NTPCR: variants seen among roughly 807,000 people sequenced by gnomAD.
The protein encoded by NTPCR is nucleoside-triphosphatase, cancer-related, also known as cancer-related nucleoside-triphosphatase.
In NTPCR, 15 loss-of-function variants were observed where a neutral mutation model predicts 19.5. The observed-to-expected ratio is 0.77, with a 90% CI of 0.51 to 1.18. NTPCR has a LOEUF of 1.18. NTPCR is among the 50% of genes most tolerant of loss of function. The pLI, the probability that NTPCR is intolerant of heterozygous loss-of-function variation, is 0.00. For synonymous variants in NTPCR, 90 were observed against 95.8 expected (o/e 0.94, Z 0.36); for missense variants, 206 against 240.4 (o/e 0.86, Z 0.95).
chr1:232,960,551 T>A (rs901293272), intron 3 of NTPCR, among the ~76,000 whole-genome samples: 30 of 152,018 alleles, frequency 2.0e-4, no homozygotes, highest in African/African-American at 7.0e-4. Context: ...ACCATCATGG[T>A]CAGGCTGGTC....
chr1:232,957,684 C>T (rs1385583744), intron 3 of NTPCR, among the ~76,000 whole-genome samples: 1 of 152,150 alleles, frequency 6.6e-6, no homozygotes, highest in East Asian at 1.9e-4. Flanking sequence ...TTATCAAGTA[C>T]TGCATATACA....
Position 232,971,401 on chromosome 1 carries a change from G to A in NTPCR, c.504+1283G>A, listed in dbSNP as rs1246960867. Among the ~76,000 whole-genome samples the A allele has an allele frequency of 5.3e-5, 8 of 152,168 alleles. No individual in the cohort carries two copies. In the South Asian group the frequency reaches 1.7e-3, roughly 32 times the overall value. Reference sequence around the variant, plus strand: ...GAAATGTCACCTTGGCCCACTGGCAGTATCCACATGTTGCCACCAAAGAAT... The same window carrying A: ...GAAATGTCACCTTGGCCCACTGGCAATATCCACATGTTGCCACCAAAGAAT... On this transcript the variant is annotated intron_variant, in intron 4 of 4. Transcript: ENST00000366628.
chr1:232,966,970 A>G (rs1181885121), intron 3 of NTPCR: 1 of 152,198 alleles, frequency 6.6e-6, no homozygotes, highest in East Asian at 1.9e-4. Context: ...AGAGCCACCT[A>G]CAGTTTTTAC....
intron 3 of NTPCR, among the ~76,000 whole-genome samples, chr1:232,961,185 A>G (rs10429825): frequency 0.67 from 102,057 of 152,124 alleles, 36,200 homozygotes; most frequent in African/African-American, 0.92. Flanking sequence ...CTCAGTGTTG[A>G]GCATTCAGGT....
rs1434695138 is a variant in NTPCR at position 232,950,653 on chromosome 1, A to G, written c.-58A>G. The G allele has an allele frequency of 4.8e-6, 7 of 1,444,470 alleles. No homozygotes were observed. Among genetic ancestry groups the G allele is most frequent in the African/African-American group, 1.4e-5 (1 of 71,296 alleles). The allele number at this position is 1,444,470 out of a possible 1,614,324, so 89.5% of individuals were successfully genotyped here. A position where few individuals can be genotyped will look rare whatever the true frequency, so the allele number is the denominator to read the frequency against. Reference sequence around the variant, plus strand: ...CGACCCTGGTCCGGACCTGACCTGAATTGCGACCCCAACCTGGACTGCTCC... The same window carrying G: ...CGACCCTGGTCCGGACCTGACCTGAGTTGCGACCCCAACCTGGACTGCTCC... On this transcript the variant is annotated 5_prime_UTR_variant, in exon 1 of 5. Transcript: ENST00000366628.
intron 4 of NTPCR, among the ~76,000 whole-genome samples, chr1:232,975,120 C>T (rs149204507): frequency 1.3e-5 from 2 of 152,306 alleles, no homozygotes; most frequent in South Asian, 2.1e-4. Flanking sequence ...AAGCTGGCAG[C>T]TTCATAGTAT....
intron 3 of NTPCR, chr1:232,962,476 A>G (rs1026340345): frequency 3.9e-5 from 6 of 152,208 alleles, no homozygotes; most frequent in African/African-American, 1.4e-4. Flanking sequence ...GGCTGATAAG[A>G]TAATGCTGGC....
Position 232,969,902 on chromosome 1 carries a change from T to A in NTPCR, c.295-7T>A. 1 of 1,613,450 alleles carries A rather than the reference T, an allele frequency of 6.2e-7. No individual in the cohort carries two copies. Among genetic ancestry groups the A allele is most frequent in the Non-Finnish European group, 8.5e-7 (1 of 1,179,464 alleles). The stretch of plus-strand genomic sequence containing the variant: ...GATGTCCCAGTGAAAGTCTTTGTCA[T>A]TCTCAGGCCGACTGCAGCAGTGGCC... On this transcript the variant is annotated splice_region_variant and splice_polypyrimidine_tract_variant and intron_variant, in intron 3 of 4. Transcript: ENST00000366628.
chr1:232,950,629 G>A lies in NTPCR; in HGVS notation c.-82G>A. On this transcript the variant is annotated 5_prime_UTR_variant, in exon 1 of 5. Transcript: ENST00000366628. ...ACGCGGTGGGCGGGTCCTGAGTCGC[G>A]ACCCTGGTCCGGACCTGACCTGAAT... 2 of 1,186,308 alleles carry A rather than the reference G, an allele frequency of 1.7e-6. No homozygotes were observed. The highest frequency in any genetic ancestry group is 1.3e-5 in the South Asian group (1 of 79,662). 73.5% of individuals were successfully genotyped at this position (1,186,308 alleles called of 1,614,324 possible). A position where few individuals can be genotyped will look rare whatever the true frequency, so the allele number is the denominator to read the frequency against.
At chr1:232,950,966 G>A in intron 1 of NTPCR, 2 of 521,344 alleles carry the variant, frequency 3.8e-6, no homozygotes, top group Middle Eastern at 7.3e-4. Flanking sequence ...CACTTGTGAG[G>A]GGGTCCTAGA....
intron 3 of NTPCR, among the ~76,000 whole-genome samples, chr1:232,960,703 G>T (rs1437371112): frequency 6.6e-6 from 1 of 152,158 alleles, no homozygotes; most frequent in East Asian, 1.9e-4. Flanking sequence ...GAGAAATAAA[G>T]AAAAATAGAG....
intron 3 of NTPCR, chr1:232,963,016 AT>A (rs1290882717): frequency 3.9e-5 from 6 of 152,200 alleles, no homozygotes. Context: ...TTCTTGAAAG[AT>A]TGACAAGCTC....
intron 4 of NTPCR, 114 bp downstream of exon 4, chr1:232,970,232 G>A (rs914813155): frequency 1.7e-5 from 14 of 814,158 alleles, no homozygotes; most frequent in Non-Finnish European, 2.8e-5. Flanking sequence ...CTTCCATGCT[G>A]AAATGTAGGT....
Position 232,978,243 on chromosome 1 carries a change from T to C in NTPCR, c.*12T>C. 6.2e-7 allele frequency: 1 copy of C among 1,612,510 alleles called. No homozygotes were observed. Reference sequence around the variant, plus strand: ...GCAGCAGGAAGTGAAGACACGTGCATTCCTGCCTTCCGTGAAGGAGTGCCC... The same window carrying C: ...GCAGCAGGAAGTGAAGACACGTGCACTCCTGCCTTCCGTGAAGGAGTGCCC... On this transcript the variant is annotated 3_prime_UTR_variant, in exon 5 of 5. Transcript: ENST00000366628.
intron 3 of NTPCR, chr1:232,966,591 T>C (rs921046838): frequency 2.0e-5 from 3 of 152,226 alleles, no homozygotes; most frequent in Non-Finnish European, 4.4e-5. Flanking sequence ...GGTACGAAGA[T>C]ATTTGTTGTT....
At position 232,978,292 on chromosome 1, in the gene NTPCR, C is replaced by A; in HGVS notation, c.*61C>A. 1 of 1,435,700 alleles carries A rather than the reference C, an allele frequency of 7.0e-7. No homozygotes were observed. The allele number at this position is 1,435,700 out of a possible 1,614,324, so 88.9% of individuals were successfully genotyped here. On this transcript the variant is annotated 3_prime_UTR_variant, in exon 5 of 5. Transcript: ENST00000366628. ...CCAGTTCAAGAGGAGCCTGATGGAG[C>A]CCTGCCTGTCGAGGCTGTATGCCTA...
chr1:232,966,031 G>A (rs1668808617), intron 3 of NTPCR: 2 of 152,236 alleles, frequency 1.3e-5, no homozygotes, highest in African/African-American at 4.8e-5. Flanking sequence ...ATGCCCTGGA[G>A]ACTCACAGTC....
intron 1 of NTPCR, among the ~76,000 whole-genome samples, chr1:232,953,555 A>G (rs1166454598): frequency 6.6e-6 from 1 of 152,178 alleles, no homozygotes; most frequent in African/African-American, 2.4e-5. Context: ...CTTTTTCAAA[A>G]TATAAACGGC....
At chr1:232,956,557 C>A in intron 3 of NTPCR, 114 bp downstream of exon 3, 1 of 697,264 alleles carries the variant, frequency 1.4e-6, no homozygotes, top group Non-Finnish European at 2.6e-6. Flanking sequence ...TTGCATTTTA[C>A]AATTGAAAAG....
Sources: gnomAD v4.1 joint callset for allele counts (sites outside exome capture counted in the v4.1 genomes callset) on GRCh38, gnomAD v4.1.1 for gene constraint, MANE v1.5 for transcripts, NCBI Gene and HGNC (gene_info 2026-07-23, HGNC 2026-07-21) for gene names.